Variants in LMNTD1 observed in about 807,000 individuals in gnomAD.
LMNTD1 encodes the protein lamin tail domain-containing protein 1.
In LMNTD1, 35 loss-of-function variants were observed where a neutral mutation model predicts 50.9. The ratio of observed to expected loss-of-function variants is 0.69; its 90% CI spans 0.53 to 0.91. The LOEUF (loss-of-function observed/expected upper bound fraction) is 0.91. LMNTD1 is among the 40% of genes least tolerant of loss of function. The pLI is 0.00. For synonymous variants in LMNTD1, 153 were observed against 161.9 expected (o/e 0.94, Z 0.42); for missense variants, 470 against 475.5 (o/e 0.99, Z 0.11).
intron 1 of LMNTD1, among the ~76,000 whole-genome samples, chr12:25,602,283 G>C (rs1489372410): frequency 6.6e-6 from 1 of 151,024 alleles, no homozygotes; most frequent in Non-Finnish European, 1.5e-5. Context: ...CTTTCTTTAG[G>C]GGGCATGCAT....
In LMNTD1 at chr12:25,623,692, A is replaced by G. The variant is rs576677349; in HGVS notation, c.58+24802T>C. ...AAAGTCCACCCAAATGAAATGCCTC[A>G]TTCTCCAATAACATTGGATATCTGC... On this transcript the variant is annotated intron_variant, in intron 1 of 7. Transcript: ENST00000445693. Among the ~76,000 whole-genome samples, 7 of 152,248 alleles carry G rather than the reference A, an allele frequency of 4.6e-5. No individual in the cohort carries two copies. In the South Asian group the frequency reaches 1.0e-3, roughly 23 times the overall value.
At chr12:25,556,833 A>G (rs959139371), upstream of LMNTD1, among the ~76,000 whole-genome samples, 3 of 152,368 alleles carry the variant, frequency 2.0e-5, no homozygotes, top group Non-Finnish European at 4.4e-5. Context: ...GAAGAACACA[A>G]AGAACTGGCT....
At chr12:25,493,397 G>A (rs766763319) in intron 9 of LMNTD1, among the ~76,000 whole-genome samples, 2 of 152,166 alleles carry the variant, frequency 1.3e-5, no homozygotes, top group Non-Finnish European at 2.9e-5. Context: ...ATGTTGAGGG[G>A]TCCTACAAAG....
At chr12:25,587,540 C>G (rs1345927518) in intron 1 of LMNTD1, among the ~76,000 whole-genome samples, 1 of 148,676 alleles carries the variant, frequency 6.7e-6, no homozygotes, top group Non-Finnish European at 1.5e-5. Flanking sequence ...CTCACTCAAT[C>G]TTGTGAGGAC....
intron 1 of LMNTD1, among the ~76,000 whole-genome samples, chr12:25,560,307 C>A (rs1469805061): frequency 6.6e-6 from 1 of 152,184 alleles, no homozygotes; most frequent in Non-Finnish European, 1.5e-5. Context: ...GGAATCCTTT[C>A]CCCATTGCTT....
chr12:25,508,591 G>C (rs142951487), intron 8 of LMNTD1, among the ~76,000 whole-genome samples: 1 of 152,094 alleles, frequency 6.6e-6, no homozygotes, highest in African/African-American at 2.4e-5. Flanking sequence ...GACCATTATT[G>C]TATGTATATT....
At chr12:25,534,710 C>G (rs562612201) in intron 4 of LMNTD1, among the ~76,000 whole-genome samples, 1 of 152,302 alleles carries the variant, frequency 6.6e-6, no homozygotes, top group East Asian at 1.9e-4. Context: ...GAAGCTGTCA[C>G]AGGGTAAGGA....
At chr12:25,607,283 G>A (rs1202733441) in intron 1 of LMNTD1, among the ~76,000 whole-genome samples, 1 of 152,118 alleles carries the variant, frequency 6.6e-6, no homozygotes, top group Non-Finnish European at 1.5e-5. Context: ...CAAAAAACCA[G>A]CTCCTGGATT....
In LMNTD1 at chr12:25,496,065, T is replaced by C. The variant is rs1455209711; in HGVS notation, c.*22+7673A>G. Among the ~76,000 whole-genome samples, 3 of 152,268 alleles carry C rather than the reference T, an allele frequency of 2.0e-5. No homozygotes were observed. In the South Asian group the frequency reaches 6.2e-4, roughly 32 times the overall value. ...CATCTTCAAAAATAAGGAAAACCCT[T>C]TGAGCTGAAACATGTTTTGGATCCA... On this transcript the variant is annotated intron_variant, in intron 9 of 9. Coordinates refer to ENST00000458174, the MANE Select transcript of LMNTD1 (RefSeq NM_001145728.2).
chr12:25,586,163 C>T (rs961365744), intron 1 of LMNTD1: 2 of 152,102 alleles, frequency 1.3e-5, no homozygotes, highest in Non-Finnish European at 2.9e-5. Context: ...AGTAAAAGTA[C>T]TATTTGATTT....
intron 8 of LMNTD1, among the ~76,000 whole-genome samples, chr12:25,513,979 C>T (rs951155895): frequency 6.6e-6 from 1 of 152,136 alleles, no homozygotes; most frequent in African/African-American, 2.4e-5. Context: ...TATCAACTCT[C>T]AACATGACCT....
intron 9 of LMNTD1, among the ~76,000 whole-genome samples, chr12:25,496,097 C>G (rs1209032087): frequency 6.6e-6 from 1 of 152,110 alleles, no homozygotes; most frequent in African/African-American, 2.4e-5. Context: ...TCCAGGAAAC[C>G]TCTGTTCATA....
At chr12:25,498,843 T>A (rs1939218273) in intron 9 of LMNTD1, among the ~76,000 whole-genome samples, 1 of 152,202 alleles carries the variant, frequency 6.6e-6, no homozygotes, top group African/African-American at 2.4e-5. Context: ...GGTTGCAACA[T>A]GCTAGGCATC....
chr12:25,522,649 G>A (rs767908049), intron 6 of LMNTD1, among the ~76,000 whole-genome samples: 5 of 152,048 alleles, frequency 3.3e-5, no homozygotes, highest in Non-Finnish European at 7.4e-5. Context: ...AGTTCCTATT[G>A]TATAGGACTG....
intron 9 of LMNTD1, chr12:25,500,057 G>A (rs1939298071): frequency 6.6e-6 from 1 of 152,064 alleles, no homozygotes; most frequent in African/African-American, 2.4e-5. Context: ...TTGAAAGAAG[G>A]AGGTTGTGGG....
chr12:25,525,810 C>T (rs977868643), intron 6 of LMNTD1, among the ~76,000 whole-genome samples: 5 of 152,194 alleles, frequency 3.3e-5, no homozygotes, highest in Middle Eastern at 3.4e-3. Context: ...GTGGTATATA[C>T]GTACCATGGA....
chr12:25,488,114 G>C (rs1444234798), intron 9 of LMNTD1, among the ~76,000 whole-genome samples: 2 of 147,288 alleles, frequency 1.4e-5, no homozygotes, highest in African/African-American at 5.0e-5. Context: ...GTGTGTCTTG[G>C]AGTTGCTCTT....
intron 1 of LMNTD1, among the ~76,000 whole-genome samples, chr12:25,617,539 G>A (rs1946374948): frequency 6.6e-6 from 1 of 152,184 alleles, no homozygotes; most frequent in African/African-American, 2.4e-5. Flanking sequence ...ACAGGTATAG[G>A]TGGTGGGAGC....
chr12:25,601,580 A>G (rs1945975923), intron 1 of LMNTD1, among the ~76,000 whole-genome samples: 1 of 151,958 alleles, frequency 6.6e-6, no homozygotes, highest in Non-Finnish European at 1.5e-5. Flanking sequence ...TACCCCACAA[A>G]TATATGTACC....
Sources: gnomAD v4.1 joint callset for allele counts (sites outside exome capture counted in the v4.1 genomes callset) on GRCh38, gnomAD v4.1.1 for gene constraint, MANE v1.5 for transcripts, NCBI Gene and HGNC (gene_info 2026-07-23, HGNC 2026-07-21) for gene names.